The following BICD2 variants were observed in gnomAD, a reference collection of about 807,000 sequenced individuals.
BICD2 encodes the protein BICD cargo adaptor 2.
In BICD2, 25 loss-of-function variants were observed where a neutral mutation model predicts 72.9. The observed-to-expected ratio is 0.34, with a 90% confidence interval of 0.25 to 0.48. The LOEUF is 0.48. BICD2 is among the 20% of genes least tolerant of loss of function. BICD2 has a pLI of 0.99. For synonymous variants in BICD2, 501 were observed against 516.1 expected (o/e 0.97, Z 0.40); for missense variants, 894 against 1,175.2 (o/e 0.76, Z 3.50).
chr9:92,735,784 A>G (rs1853776738), intron 1 of BICD2, among the ~76,000 whole-genome samples: 1 of 152,160 alleles, frequency 6.6e-6, no homozygotes, highest in Admixed American at 6.5e-5. Flanking sequence ...ACGGGCACAC[A>G]GCACACTGGG....
intron 1 of BICD2, among the ~76,000 whole-genome samples, chr9:92,748,337 T>G (rs1031836950): frequency 4.6e-5 from 7 of 152,252 alleles, no homozygotes; most frequent in African/African-American, 1.7e-4. Flanking sequence ...AACCCCCGGG[T>G]GTAAACTGCA....
At position 92,718,646 on chromosome 9, in the gene BICD2, T is replaced by C; in HGVS notation, c.1999A>G (p.Lys667Glu). 6.2e-7 allele frequency: 1 copy of C among 1,613,950 alleles called. No homozygotes were observed. Residue 667 changes from lysine to glutamate, a missense_variant, in exon 5 of 7, where the codon AAG becomes GAG. Physicochemically the swap from Lys to Glu is moderately conservative, Grantham distance 56. This residue lies in a region of BICD2 where 321 missense variants were observed against 443.9 expected (regional missense o/e 0.72). Coordinates refer to ENST00000356884, the MANE Select transcript of BICD2 (RefSeq NM_001003800.2). ...ASQELGPAVD[K>E]DKEALMEEIL... ...TCCTCCATAAGCGCTTCCTTGTCCT[T>C]GTCCACGGCGGGGCCCAGCTCCTGA...
intron 1 of BICD2, among the ~76,000 whole-genome samples, chr9:92,755,593 C>T (rs984459752): frequency 9.2e-5 from 14 of 152,024 alleles, no homozygotes; most frequent in African/African-American, 2.4e-4. Flanking sequence ...TCAAGCTGGC[C>T]GACACTTAAG....
intron 2 of BICD2, among the ~76,000 whole-genome samples, chr9:92,727,745 C>T (rs549110455): frequency 6.6e-6 from 1 of 151,592 alleles, no homozygotes; most frequent in Non-Finnish European, 1.5e-5. Flanking sequence ...TTTGTCCCCA[C>T]AGCCCACTCC....
chr9:92,754,750 T>G (rs1265111067), intron 1 of BICD2, among the ~76,000 whole-genome samples: 1 of 152,258 alleles, frequency 6.6e-6, no homozygotes, highest in African/African-American at 2.4e-5. Flanking sequence ...AGATTTCATG[T>G]ACACTTATCA....
chr9:92,752,589 G>C (rs535399291), intron 1 of BICD2, among the ~76,000 whole-genome samples: 4 of 152,130 alleles, frequency 2.6e-5, no homozygotes, highest in Non-Finnish European at 5.9e-5. Flanking sequence ...GCAACATAAT[G>C]AGACCATGTA....
intron 2 of BICD2, among the ~76,000 whole-genome samples, chr9:92,727,927 C>G (rs1273058209): frequency 6.6e-6 from 1 of 152,198 alleles, no homozygotes; most frequent in Non-Finnish European, 1.5e-5. Context: ...CACATGCCTT[C>G]TAGGAGAATG....
chr9:92,764,621 G>A lies in BICD2; in HGVS notation c.124C>T (p.Gln42Ter). 1 of 1,594,220 alleles carries A rather than the reference G, an allele frequency of 6.3e-7. No individual in the cohort carries two copies. Among genetic ancestry groups the A allele is most frequent in the Non-Finnish European group, 8.5e-7 (1 of 1,171,646 alleles). Residue 42 changes from glutamine to a stop codon, truncating the protein, a stop_gained, in exon 1 of 7, where the codon CAG (glutamine) becomes TAG (stop). Coordinates refer to ENST00000356884, the MANE Select transcript of BICD2 (RefSeq NM_001003800.2). LOFTEE classifies it high-confidence loss of function. This position sits in a 1 kb window ranked among gnomAD's most constrained non-coding sequence, Gnocchi z 5.5. The stretch of plus-strand genomic sequence containing the variant: ...ACCGCCAGCCCGTACTCGGCCGCCT[G>A]GATCTTCTCACGCGTGGTCTCGGCC... ...ELAETTREKIQAAEYGLAVLE... is the reference protein window; with the variant it reads ...ELAETTREKI
intron 1 of BICD2, among the ~76,000 whole-genome samples, chr9:92,739,209 T>G (rs1019816275): frequency 2.0e-5 from 3 of 152,182 alleles, no homozygotes; most frequent in Non-Finnish European, 4.4e-5. Flanking sequence ...CCAGGCTTGT[T>G]GAAAAATCCC....
intron 3 of BICD2, among the ~76,000 whole-genome samples, chr9:92,721,430 C>G (rs1430776004): frequency 1.3e-5 from 2 of 152,178 alleles, no homozygotes; most frequent in Non-Finnish European, 2.9e-5. Context: ...ATTGTATCTG[C>G]AGGTGGGCAA....
At chr9:92,742,159 G>A (rs1853909321) in intron 1 of BICD2, among the ~76,000 whole-genome samples, 1 of 152,112 alleles carries the variant, frequency 6.6e-6, no homozygotes, top group Non-Finnish European at 1.5e-5. Flanking sequence ...CTACAGACCT[G>A]GAAGGAAGCT....
At chr9:92,755,232 C>T (rs1317025720) in intron 1 of BICD2, among the ~76,000 whole-genome samples, 5 of 152,162 alleles carry the variant, frequency 3.3e-5, no homozygotes, top group African/African-American at 1.2e-4. Flanking sequence ...GAAATTCCCG[C>T]CTAATAAATT....
intron 1 of BICD2, among the ~76,000 whole-genome samples, chr9:92,746,028 G>C (rs1004639285): frequency 6.6e-6 from 1 of 152,228 alleles, no homozygotes; most frequent in African/African-American, 2.4e-5. Flanking sequence ...CCTAACAACT[G>C]AGATCTGGCT....
chr9:92,719,375 A>G lies in BICD2; in HGVS notation c.1270T>C (p.Tyr424His), dbSNP rs749686612. Residue 424 changes from tyrosine to histidine, a missense_variant, in exon 5 of 7, where the codon TAC (tyrosine) becomes CAC (histidine). Physicochemically the swap from Tyr to His is moderately conservative, Grantham distance 83. Transcript: ENST00000356884. ...GGCCCGTTGATGTCCACCTCGTAGT[A>G]GTCCCCATCCTCATGGCTGTCACGG... ...KDRDSHEDGD[Y>H]YEVDINGPEI... 1 of 1,614,178 alleles carries G rather than the reference A, an allele frequency of 6.2e-7. No individual in the cohort carries two copies. Among genetic ancestry groups the G allele is most frequent in the South Asian group, 1.1e-5 (1 of 91,080 alleles).
At chr9:92,750,095 T>G (rs1375695556) in intron 1 of BICD2, among the ~76,000 whole-genome samples, 3 of 152,242 alleles carry the variant, frequency 2.0e-5, no homozygotes, top group Admixed American at 1.3e-4. Flanking sequence ...AGTCAGCAAG[T>G]GGCAGGAGAA....
intron 1 of BICD2, among the ~76,000 whole-genome samples, chr9:92,734,849 G>T (rs1853748984): frequency 6.6e-6 from 1 of 152,176 alleles, no homozygotes; most frequent in African/African-American, 2.4e-5. Context: ...GTCTGGGAAG[G>T]GGATCCCAGA....
In BICD2 at chr9:92,715,118, C is replaced by T. The variant is rs1853275268; in HGVS notation, c.*36G>A. 2.6e-6 allele frequency: 4 copies of T among 1,534,994 alleles called. No individual in the cohort carries two copies. In the African/African-American group the frequency reaches 4.1e-5, roughly 16 times the overall value. On this transcript the variant is annotated 3_prime_UTR_variant, in exon 7 of 7. Transcript: ENST00000356884. ...TGCTGCTGGGTTAGTTGAGGTGAAGCAGATGTTAGCTGCAGCGTGCGGCGC... is the reference window on the plus strand; with the variant it reads ...TGCTGCTGGGTTAGTTGAGGTGAAGTAGATGTTAGCTGCAGCGTGCGGCGC...
chr9:92,714,256 T>C lies in BICD2; in HGVS notation c.*898A>G, dbSNP rs558194518. The stretch of plus-strand genomic sequence containing the variant: ...GGTGGCTCAGACTTCAGGCTAGGGT[T>C]TTCAAAGCCCCATGTCTTTGGGACT... On this transcript the variant is annotated 3_prime_UTR_variant, in exon 7 of 7. Coordinates refer to ENST00000356884, the MANE Select transcript of BICD2 (RefSeq NM_001003800.2). 3.7e-4 allele frequency: 363 copies of C among 985,464 alleles called. 1 individual carries two copies. In the African/African-American group the frequency reaches 5.9e-3, roughly 16 times the overall value. The allele number at this position is 985,464 out of a possible 1,614,324, so 61.0% of individuals were successfully genotyped here.
At position 92,714,597 on chromosome 9, in the gene BICD2, T is replaced by G. The variant is rs533316706; in HGVS notation, c.*557A>C. On this transcript the variant is annotated 3_prime_UTR_variant, in exon 7 of 7. Transcript: ENST00000356884. The stretch of plus-strand genomic sequence containing the variant: ...TGGGCTTGGGGAAGAAATTCTGCAC[T>G]TCTTTCCTGAATATGATTTGCAGTC... The G allele has an allele frequency of 4.1e-6, 4 of 985,642 alleles. No individual in the cohort carries two copies. The highest frequency in any genetic ancestry group is 6.1e-5 in the Admixed American group (1 of 16,292). The allele number at this position is 985,642 out of a possible 1,614,324, so 61.1% of individuals were successfully genotyped here.
Sources: allele counts gnomAD v4.1 joint callset (sites outside exome capture counted in the v4.1 genomes callset), GRCh38; gene constraint gnomAD v4.1.1; regional missense constraint gnomAD v4.1.1; non-coding constraint Gnocchi (gnomAD v3.1); transcripts MANE v1.5; gene names NCBI Gene and HGNC (gene_info 2026-07-23, HGNC 2026-07-21).